Variants in FREM2 observed in about 807,000 individuals in gnomAD.
The protein encoded by FREM2 is FRAS1 related extracellular matrix 2, also known as FRAS1-related extracellular matrix protein 2.
Under a neutral mutation model 219.9 loss-of-function variants are expected in FREM2, and 119 were observed. The observed-to-expected ratio is 0.54, with a 90% CI of 0.47 to 0.63. The LOEUF (loss-of-function observed/expected upper bound fraction) is 0.63. Among genes scored for constraint, FREM2 ranks in the 30% least tolerant of loss-of-function variants. FREM2 has a pLI of 0.00. For missense variants in FREM2, 4,030 were observed against 3,993.6 expected (o/e 1.01, Z -0.25); for synonymous variants, 1,562 against 1,522.8 (o/e 1.03, Z -0.60).
chr13:38,827,133 G>T (rs970937996), intron 6 of FREM2, among the ~76,000 whole-genome samples: 7 of 152,056 alleles, frequency 4.6e-5, no homozygotes, highest in Admixed American at 3.9e-4. Flanking sequence ...TTACAGTACA[G>T]ATTTTGTATG....
intron 2 of FREM2, among the ~76,000 whole-genome samples, chr13:38,730,283 A>G (rs1384611927): frequency 2.0e-5 from 3 of 152,236 alleles, no homozygotes; most frequent in African/African-American, 7.2e-5. Flanking sequence ...GGGATTTGTC[A>G]TACATTTAAC....
In FREM2 at chr13:38,856,273, G is replaced by A; in HGVS notation, c.7056+17G>A. ...GAGATGCAGGTAAGTAATGTAATGT[G>A]TATGTAAATTCATGGCTAGCAGTTT... On this transcript the variant is annotated intron_variant, in intron 12 of 23. Transcript: ENST00000280481. 6.2e-7 allele frequency: 1 copy of A among 1,608,594 alleles called. No homozygotes were observed. The highest frequency in any genetic ancestry group is 1.1e-5 in the South Asian group (1 of 90,878).
chr13:38,799,697 C>A (rs888514420), intron 6 of FREM2, among the ~76,000 whole-genome samples: 1 of 151,750 alleles, frequency 6.6e-6, no homozygotes, highest in African/African-American at 2.4e-5. Flanking sequence ...TTGAATTGAT[C>A]CCTTTATCAA....
chr13:38,714,715 T>C (rs1240697496), intron 2 of FREM2, among the ~76,000 whole-genome samples: 3 of 152,178 alleles, frequency 2.0e-5, no homozygotes, highest in Non-Finnish European at 4.4e-5. Context: ...TCACAATGTA[T>C]ATATATGCAC....
At position 38,691,700 on chromosome 13, in the gene FREM2, T is replaced by C. The variant is rs750783789; in HGVS notation, c.4356T>C (p.Pro1452=). 5.0e-6 allele frequency: 8 copies of C among 1,613,814 alleles called. No homozygotes were observed. In the East Asian group the frequency reaches 6.7e-5, roughly 13 times the overall value. The change falls in exon 1 of 24, where the codon CCT becomes CCC. Residue 1452 remains proline (P), a synonymous_variant. Transcript: ENST00000280481. ...DLLSTSDLNS[P]DENLVFTITR... ...TAAGCACTAGTGACTTGAACAGTCC[T>C]GATGAAAACTTGGTTTTTACCATCA...
At chr13:38,800,473 G>A (rs1874966014) in intron 6 of FREM2, among the ~76,000 whole-genome samples, 1 of 151,966 alleles carries the variant, frequency 6.6e-6, no homozygotes, top group Non-Finnish European at 1.5e-5. Context: ...TTCTCTTTCT[G>A]GTTTTAGGAT....
chr13:38,703,013 A>T (rs1407910563), intron 2 of FREM2, among the ~76,000 whole-genome samples: 1 of 152,126 alleles, frequency 6.6e-6, no homozygotes, highest in East Asian at 1.9e-4. Context: ...CTGCAAAGTC[A>T]TTTCTGTATA....
chr13:38,783,006 A>G, intron 4 of FREM2, 64 bp from the exon 5 acceptor site: 4 of 1,574,904 alleles, frequency 2.5e-6, no homozygotes, highest in South Asian at 2.2e-5. Flanking sequence ...TTAATTCTGT[A>G]TGATTGTTTC....
intron 2 of FREM2, among the ~76,000 whole-genome samples, chr13:38,757,265 T>C (rs1426382561): frequency 1.3e-5 from 2 of 152,178 alleles, no homozygotes; most frequent in African/African-American, 2.4e-5. Flanking sequence ...TTACACATAG[T>C]AATGTGGACT....
chr13:38,702,688 G>A lies in FREM2; in HGVS notation c.5263+4901G>A, dbSNP rs9566359. On this transcript the variant is annotated intron_variant, in intron 2 of 23. Transcript: ENST00000280481. ...AAAAATTAGAATACATGATCACCTG[G>A]CTGGACATATTGAGTAGGAGGAGTC... 4.6e-3 allele frequency among the ~76,000 whole-genome samples: 695 copies of A among 151,984 alleles called. 12 individuals are homozygous for A. The highest frequency in any genetic ancestry group is 0.016 in the African/African-American group (664 of 41,456).
At chr13:38,695,396 A>C (rs1186121484) in intron 1 of FREM2, among the ~76,000 whole-genome samples, 1 of 152,218 alleles carries the variant, frequency 6.6e-6, no homozygotes. Flanking sequence ...TGGGTACCAG[A>C]GTGCCATATA....
intron 4 of FREM2, among the ~76,000 whole-genome samples, chr13:38,776,241 G>A (rs981412913): frequency 2.0e-5 from 3 of 152,154 alleles, no homozygotes; most frequent in Non-Finnish European, 4.4e-5. Context: ...AATCTGGAAT[G>A]TCTTCTGAGT....
rs759208500 is a variant in FREM2, at chr13:38,784,658, C to T, written c.5869C>T (p.Arg1957Trp). ...TGTTGTCCGCTTTGACAAAGATGAACGGGAGAAACTGTGTCGGATAGTCAT... is the reference window on the plus strand; with the variant it reads ...TGTTGTCCGCTTTGACAAAGATGAATGGGAGAAACTGTGTCGGATAGTCAT... ...TSVVRFDKDE[R>W]EKLCRIVIID... The change falls in exon 6 of 24, where the codon CGG becomes TGG. Residue 1957 changes from arginine (R) to tryptophan (W), a missense_variant. By Grantham distance (101) the Arg-to-Trp change is moderately radical. Transcript: ENST00000280481. 45 of 1,614,094 alleles carry T rather than the reference C, an allele frequency of 2.8e-5. No individual in the cohort carries two copies. The highest frequency in any genetic ancestry group is 1.5e-4 in the South Asian group (14 of 91,090).
At chr13:38,827,270 A>T (rs1876326109) in intron 6 of FREM2, 1 of 152,088 alleles carries the variant, frequency 6.6e-6, no homozygotes, top group African/African-American at 2.4e-5. Flanking sequence ...AATCACCTCT[A>T]CAGCTGTTGT....
intron 6 of FREM2, among the ~76,000 whole-genome samples, chr13:38,837,919 C>T (rs1876786481): frequency 6.6e-6 from 1 of 152,038 alleles, no homozygotes; most frequent in Non-Finnish European, 1.5e-5. Flanking sequence ...ATCCAATTTG[C>T]CAGTCTGTGC....
At chr13:38,783,267 CA>C in intron 5 of FREM2, 72 bp downstream of exon 5, 1 of 1,515,306 alleles carries the variant, frequency 6.6e-7, no homozygotes. Flanking sequence ...ATATTGGAGC[CA>C]TAACATTTTA....
Position 38,783,066 on chromosome 13 carries a change from C to A in FREM2, c.5642-4C>A, listed in dbSNP as rs2137829551. On this transcript the variant is annotated splice_polypyrimidine_tract_variant and splice_region_variant and intron_variant, in intron 4 of 23. Coordinates refer to ENST00000280481, the MANE Select transcript of FREM2 (RefSeq NM_207361.6). ...TAATGCTTGCAATTGTGTTTTCTCT[C>A]TAGAGCCAACTGTGTTTATTCCCCA... 1 of 1,613,386 alleles carries A rather than the reference C, an allele frequency of 6.2e-7. No individual in the cohort carries two copies. The highest frequency in any genetic ancestry group is 2.2e-5 in the East Asian group (1 of 44,852).
intron 2 of FREM2, among the ~76,000 whole-genome samples, chr13:38,710,831 G>A (rs2138094700): frequency 6.6e-6 from 1 of 152,310 alleles, no homozygotes; most frequent in African/African-American, 2.4e-5. Flanking sequence ...GTTAAAAATA[G>A]TGTAAAAATA....
intron 14 of FREM2, 134 bp from the exon 15 acceptor site, chr13:38,861,297 A>G (rs1877750225): frequency 3.6e-6 from 3 of 836,716 alleles, no homozygotes; most frequent in Non-Finnish European, 5.8e-6. Flanking sequence ...CGTGATGTAC[A>G]CTCTTAGCCA....
Sources: allele counts gnomAD v4.1 joint callset (sites outside exome capture counted in the v4.1 genomes callset), GRCh38; gene constraint gnomAD v4.1.1; transcripts MANE v1.5; gene names NCBI Gene and HGNC (gene_info 2026-07-23, HGNC 2026-07-21).